GABRA4: variants seen among roughly 807,000 people sequenced by gnomAD.
GABRA4 encodes the protein gamma-aminobutyric acid type A receptor subunit alpha4.
A neutral mutation model predicts 49.7 loss-of-function variants in GABRA4; 12 were observed. The observed-to-expected ratio is 0.24, with a 90% CI of 0.15 to 0.39. The LOEUF is 0.39. Among genes scored for constraint, GABRA4 ranks in the 10% least tolerant of loss-of-function variants. The pLI is 1.00. For missense variants in GABRA4, 506 were observed against 686.0 expected (o/e 0.74, Z 2.93); for synonymous variants, 288 against 240.2 (o/e 1.20, Z -1.84).
intron 3 of GABRA4, among the ~76,000 whole-genome samples, chr4:46,978,687 CAAAAAAAA>C (rs71193889): frequency 1.3e-3 from 28 of 21,662 alleles, no homozygotes; most frequent in East Asian, 2.1e-3. Context: ...AACTTCATCT[CAAAAAAAA>C]AAAAAAAAAA....
At chr4:46,936,329 A>G (rs747163161) in intron 8 of GABRA4, among the ~76,000 whole-genome samples, 2 of 152,136 alleles carry the variant, frequency 1.3e-5, no homozygotes, top group Non-Finnish European at 2.9e-5. Flanking sequence ...GGCTCACCGC[A>G]ACCTCTGCCT....
intron 8 of GABRA4, among the ~76,000 whole-genome samples, chr4:46,929,841 A>G (rs1721367496): frequency 6.6e-6 from 1 of 152,084 alleles, no homozygotes; most frequent in African/African-American, 2.4e-5. Context: ...GAGTGAAAAA[A>G]TGGAGAAATA....
chr4:46,990,133 CAAACAA>C (rs1026562041), intron 2 of GABRA4, among the ~76,000 whole-genome samples: 2 of 149,774 alleles, frequency 1.3e-5, no homozygotes, highest in African/African-American at 2.5e-5. Context: ...AACAAACAAA[CAAACAA>C]AACCCATATT....
rs771500474 is a variant in GABRA4, at chr4:46,974,215, A to G, written c.721+17T>C. ...AACACCAAGTAGCATGTCGGCTTTA[A>G]TCATTACACATCTCACCCGTAATTG... is the stretch of plus-strand genomic sequence containing the variant. On this transcript the variant is annotated intron_variant, in intron 6 of 8. Coordinates refer to ENST00000264318, the MANE Select transcript of GABRA4 (RefSeq NM_000809.4). 4.4e-6 allele frequency: 7 copies of G among 1,604,162 alleles called. No homozygotes were observed. The highest frequency in any genetic ancestry group is 1.1e-5 in the South Asian group (1 of 89,122).
At chr4:46,959,837 T>C (rs1308673567) in intron 8 of GABRA4, among the ~76,000 whole-genome samples, 1 of 141,302 alleles carries the variant, frequency 7.1e-6, no homozygotes, top group African/African-American at 2.7e-5. Context: ...TATATATATG[T>C]GTGTGTGTGT....
chr4:46,992,238 C>T lies in GABRA4; in HGVS notation c.205+590G>A, dbSNP rs144040407. ...TTGAAGAAAGCAAGCTGGAACATCT[C>T]TAACTTTAAAGTCTTAGGAGGAAAG... is the stretch of plus-strand genomic sequence containing the variant. On this transcript the variant is annotated intron_variant, in intron 2 of 8. Coordinates refer to ENST00000264318, the MANE Select transcript of GABRA4 (RefSeq NM_000809.4). 3.7e-4 allele frequency among the ~76,000 whole-genome samples: 56 copies of T among 152,242 alleles called. No individual in the cohort carries two copies. In the East Asian group the frequency reaches 7.5e-3, roughly 20 times the overall value.
chr4:46,937,611 T>A (rs1271719090), intron 8 of GABRA4, among the ~76,000 whole-genome samples: 1 of 152,208 alleles, frequency 6.6e-6, no homozygotes, highest in Non-Finnish European at 1.5e-5. Context: ...AAAATACTTT[T>A]GACAAGAATT....
At chr4:46,984,181 A>G (rs962320861) in intron 2 of GABRA4, among the ~76,000 whole-genome samples, 91 of 152,144 alleles carry the variant, frequency 6.0e-4, no homozygotes, top group Non-Finnish European at 2.9e-4. Context: ...TCTTGAAACT[A>G]GTCCATCCTC....
intron 6 of GABRA4, among the ~76,000 whole-genome samples, chr4:46,972,190 T>C (rs1722971706): frequency 6.6e-6 from 1 of 151,574 alleles, no homozygotes; most frequent in Non-Finnish European, 1.5e-5. Context: ...TCATAATTGA[T>C]GTGAAGAAGG....
chr4:46,971,991 A>G (rs563459834), intron 6 of GABRA4, among the ~76,000 whole-genome samples: 3 of 151,286 alleles, frequency 2.0e-5, no homozygotes, highest in African/African-American at 7.2e-5. Context: ...TGAAAAGAAT[A>G]TGTGAAGAAA....
intron 8 of GABRA4, among the ~76,000 whole-genome samples, chr4:46,935,793 T>A (rs1721585501): frequency 6.6e-6 from 1 of 152,154 alleles, no homozygotes; most frequent in African/African-American, 2.4e-5. Flanking sequence ...GTTCTGCACA[T>A]GCATCCCAGA....
At chr4:46,979,183 A>G in intron 2 of GABRA4, 85 bp from the exon 3 acceptor site, 1 of 784,598 alleles carries the variant, frequency 1.3e-6, no homozygotes, top group Non-Finnish European at 2.2e-6. Context: ...GAGTAAATAC[A>G]GATATGATAT....
rs1331512723 is a variant in GABRA4 at position 46,965,235 on chromosome 4, A to G, written c.875-6T>C. 2.1e-6 allele frequency: 3 copies of G among 1,435,222 alleles called. No individual in the cohort carries two copies. The highest frequency in any genetic ancestry group is 2.8e-6 in the Non-Finnish European group (3 of 1,085,016). 88.9% of individuals were successfully genotyped at this position (1,435,222 alleles called of 1,614,324 possible). On this transcript the variant is annotated splice_region_variant and splice_polypyrimidine_tract_variant and intron_variant, in intron 7 of 8. Transcript: ENST00000264318. Reference sequence around the variant, plus strand: ...GGTGAGGACAGTTGTTATTCCTTCAAAGCAAAAGAGCAGAGAGACAAAACA... The same window carrying G: ...GGTGAGGACAGTTGTTATTCCTTCAGAGCAAAAGAGCAGAGAGACAAAACA...
intron 8 of GABRA4, among the ~76,000 whole-genome samples, chr4:46,962,025 G>A (rs1022400463): frequency 6.6e-6 from 1 of 151,778 alleles, no homozygotes; most frequent in African/African-American, 2.4e-5. Flanking sequence ...AGCTTTTATT[G>A]GGCTTTCCAC....
At chr4:46,960,324 A>G (rs1454543013) in intron 8 of GABRA4, among the ~76,000 whole-genome samples, 1 of 151,780 alleles carries the variant, frequency 6.6e-6, no homozygotes, top group Non-Finnish European at 1.5e-5. Flanking sequence ...ACATGATCTC[A>G]TAAAATCAGT....
intron 8 of GABRA4, among the ~76,000 whole-genome samples, chr4:46,944,768 C>A (rs1197249402): frequency 6.6e-6 from 1 of 152,086 alleles, no homozygotes; most frequent in East Asian, 1.9e-4. Flanking sequence ...ACCATATAAA[C>A]TCAAATCAGG....
At chr4:46,982,415 A>G (rs1455068606) in intron 2 of GABRA4, among the ~76,000 whole-genome samples, 1 of 152,034 alleles carries the variant, frequency 6.6e-6, no homozygotes. Flanking sequence ...GACAATGTGA[A>G]CATGGAGAGA....
At chr4:46,935,794 G>A (rs905314179) in intron 8 of GABRA4, among the ~76,000 whole-genome samples, 2 of 152,102 alleles carry the variant, frequency 1.3e-5, no homozygotes, top group Admixed American at 6.6e-5. Context: ...TTCTGCACAT[G>A]CATCCCAGAA....
intron 5 of GABRA4, among the ~76,000 whole-genome samples, chr4:46,975,523 A>C (rs754723012): frequency 2.6e-5 from 4 of 151,904 alleles, no homozygotes; most frequent in Admixed American, 6.6e-5. Context: ...GGGGGTTTTA[A>C]ATAGTGTTTT....
Sources: gnomAD v4.1 joint callset for allele counts (sites outside exome capture counted in the v4.1 genomes callset) on GRCh38, gnomAD v4.1.1 for gene constraint, MANE v1.5 for transcripts, NCBI Gene and HGNC (gene_info 2026-07-23, HGNC 2026-07-21) for gene names.